REDIC1: variants seen among roughly 807,000 people sequenced by gnomAD.
REDIC1 encodes HEI10 Interacting Protein 1.
chr12:39,742,801 A>G, the REDIC1 span, among the ~76,000 whole-genome samples: 1 of 152,240 alleles, frequency 6.6e-6, no homozygotes, highest in South Asian at 2.1e-4. Flanking sequence ...CTATGCGAAA[A>G]GCAAGGTGAC....
the REDIC1 span, among the ~76,000 whole-genome samples, chr12:39,896,502 G>GTATATGTGTATA: frequency 9.7e-5 from 14 of 144,766 alleles, 1 homozygote; most frequent in African/African-American, 3.6e-4. Context: ...ACACATATAT[G>GTATATGTGTATA]TATGTACATG....
chr12:39,851,278 C>T, the REDIC1 span, among the ~76,000 whole-genome samples: 19 of 152,064 alleles, frequency 1.2e-4, no homozygotes, highest in Non-Finnish European at 2.6e-4. Flanking sequence ...ATTAGAAAAA[C>T]GCTACTCAGT....
chr12:39,802,361 C>T, the REDIC1 span: 1 of 152,116 alleles, frequency 6.6e-6, no homozygotes, highest in Admixed American at 6.5e-5. Context: ...TATGAGTAAA[C>T]AGCAAGTGCA....
chr12:39,762,049 G>A, the REDIC1 span, among the ~76,000 whole-genome samples: 1 of 152,018 alleles, frequency 6.6e-6, no homozygotes, highest in Non-Finnish European at 1.5e-5. Context: ...ATAATATCAA[G>A]GAATTGCTAT....
chr12:39,787,594 A>T, the REDIC1 span, among the ~76,000 whole-genome samples: 1 of 152,122 alleles, frequency 6.6e-6, no homozygotes, highest in African/African-American at 2.4e-5. Flanking sequence ...TTCAGTCCCT[A>T]TTGAAACAAG....
At chr12:39,840,435 T>C in the REDIC1 span, among the ~76,000 whole-genome samples, 1 of 152,006 alleles carries the variant, frequency 6.6e-6, no homozygotes, top group Non-Finnish European at 1.5e-5. Flanking sequence ...AGGATGAAAA[T>C]CATACTCCTT....
the REDIC1 span, chr12:39,683,170 C>T: frequency 2.0e-6 from 3 of 1,534,078 alleles, no homozygotes; most frequent in South Asian, 2.6e-5. Context: ...AATGTAATTA[C>T]ATATTCTTTT....
chr12:39,785,270 C>CT, the REDIC1 span, among the ~76,000 whole-genome samples: 7 of 152,156 alleles, frequency 4.6e-5, no homozygotes, highest in Non-Finnish European at 8.8e-5. Flanking sequence ...ACTTGGTGCC[C>CT]TGTGTCCCAG....
the REDIC1 span, among the ~76,000 whole-genome samples, chr12:39,800,354 A>G: frequency 6.6e-6 from 1 of 152,096 alleles, no homozygotes; most frequent in Non-Finnish European, 1.5e-5. Flanking sequence ...CATCTGACAA[A>G]GGGCTAATAT....
the REDIC1 span, among the ~76,000 whole-genome samples, chr12:39,713,515 C>T: frequency 3.3e-5 from 5 of 149,344 alleles, no homozygotes; most frequent in East Asian, 3.9e-4. Flanking sequence ...TGTATACATG[C>T]GTGCATACAT....
At chr12:39,768,293 C>T in the REDIC1 span, among the ~76,000 whole-genome samples, 2 of 152,048 alleles carry the variant, frequency 1.3e-5, no homozygotes, top group Admixed American at 6.6e-5. Context: ...CTATCCAGAC[C>T]ACTCAAACTT....
At chr12:39,636,925 A>G in the REDIC1 span, among the ~76,000 whole-genome samples, 6 of 151,956 alleles carry the variant, frequency 3.9e-5, no homozygotes, top group Admixed American at 1.3e-4. Context: ...GTGTCTTTTT[A>G]ATTTTTTTAA....
the REDIC1 span, among the ~76,000 whole-genome samples, chr12:39,669,020 A>C: frequency 1.3e-5 from 2 of 152,094 alleles, no homozygotes; most frequent in Admixed American, 1.3e-4. Context: ...AGCTTGGAGT[A>C]GTTTGATCAT....
the REDIC1 span, among the ~76,000 whole-genome samples, chr12:39,731,831 C>CTT: frequency 0.73 from 105,334 of 144,184 alleles, 39,577 homozygotes; most frequent in Non-Finnish European, 0.82. Flanking sequence ...TGCTGCCTTT[C>CTT]TTTTTTTTTT....
At chr12:39,675,798 A>G in the REDIC1 span, among the ~76,000 whole-genome samples, 3 of 152,194 alleles carry the variant, frequency 2.0e-5, no homozygotes, top group Non-Finnish European at 4.4e-5. Context: ...CTCTTTGTAG[A>G]CATTACCCAG....
At chr12:39,759,570 T>C in the REDIC1 span, 1 of 154,570 alleles carries the variant, frequency 6.5e-6, no homozygotes, top group Non-Finnish European at 1.4e-5. Context: ...CACTACTCTG[T>C]AGGAAAACTG....
the REDIC1 span, among the ~76,000 whole-genome samples, chr12:39,849,475 G>T: frequency 6.6e-6 from 1 of 152,142 alleles, no homozygotes; most frequent in Non-Finnish European, 1.5e-5. Context: ...GACTTTTCTA[G>T]CTTGTCAAGG....
the REDIC1 span, among the ~76,000 whole-genome samples, chr12:39,708,201 A>G: frequency 5.9e-3 from 890 of 151,954 alleles, 2 homozygotes; most frequent in Middle Eastern, 0.024. Flanking sequence ...TCAGTGCTTT[A>G]GGGGATGAAC....
the REDIC1 span, among the ~76,000 whole-genome samples, chr12:39,794,621 C>T: frequency 6.6e-6 from 1 of 152,122 alleles, no homozygotes; most frequent in Non-Finnish European, 1.5e-5. Flanking sequence ...TGTAACCAAT[C>T]CAGCTGTTTT....
Sources: gnomAD v4.1 joint callset for allele counts (sites outside exome capture counted in the v4.1 genomes callset) on GRCh38, gnomAD v4.1.1 for gene constraint, MANE v1.5 for transcripts, NCBI Gene and HGNC (gene_info 2026-07-23, HGNC 2026-07-21) for gene names.